CACNG2: variants seen among roughly 807,000 people sequenced by gnomAD.
The protein encoded by CACNG2 is calcium voltage-gated channel auxiliary subunit gamma 2, also known as voltage-dependent calcium channel gamma-2 subunit.
A neutral mutation model predicts 25.9 loss-of-function variants in CACNG2; 3 were observed. The observed-to-expected ratio is 0.12, with a 90% CI of 0.05 to 0.30. The LOEUF is 0.30. Ranked by LOEUF, CACNG2 falls within the 10% of genes least tolerant of loss-of-function variation. The pLI is 1.00. For missense variants in CACNG2, 341 were observed against 432.5 expected (o/e 0.79, Z 1.88); for synonymous variants, 167 against 173.3 (o/e 0.96, Z 0.29).
At chr22:36,648,400 C>T (rs770944686) in intron 1 of CACNG2, among the ~76,000 whole-genome samples, 5 of 152,340 alleles carry the variant, frequency 3.3e-5, no homozygotes, top group Admixed American at 1.3e-4. Context: ...CCTAGACACC[C>T]ATTGCTCTGG....
intron 1 of CACNG2, among the ~76,000 whole-genome samples, chr22:36,659,495 G>A (rs907765968): frequency 3.3e-5 from 5 of 152,110 alleles, no homozygotes. Context: ...CCTTGCCCAA[G>A]TTCATGAATC....
chr22:36,611,341 C>A (rs1346304434), intron 1 of CACNG2, among the ~76,000 whole-genome samples: 1 of 152,124 alleles, frequency 6.6e-6, no homozygotes, highest in South Asian at 2.1e-4. Context: ...AGCATGTGAC[C>A]ACAGAATGAT....
intron 1 of CACNG2, among the ~76,000 whole-genome samples, chr22:36,601,756 T>TACA (rs1476072128): frequency 1.3e-5 from 2 of 152,212 alleles, no homozygotes; most frequent in Non-Finnish European, 2.9e-5. Flanking sequence ...GGGCTGAGAT[T>TACA]ACAAGCGTGA....
At chr22:36,672,593 A>C (rs1366783569) in intron 1 of CACNG2, among the ~76,000 whole-genome samples, 2 of 151,856 alleles carry the variant, frequency 1.3e-5, no homozygotes, top group Admixed American at 1.3e-4. Context: ...GGATTCCCCC[A>C]GCTTCTCGGA....
intron 1 of CACNG2, among the ~76,000 whole-genome samples, chr22:36,637,665 A>G (rs1440281914): frequency 6.6e-6 from 1 of 152,146 alleles, no homozygotes; most frequent in Non-Finnish European, 1.5e-5. Context: ...CAAGGCTTCA[A>G]GAGGTCGGTG....
intron 1 of CACNG2, among the ~76,000 whole-genome samples, chr22:36,599,281 C>T (rs929793375): frequency 6.6e-6 from 1 of 151,994 alleles, no homozygotes; most frequent in African/African-American, 2.4e-5. Context: ...AATCAAGCTG[C>T]AGAAAAATGC....
chr22:36,701,144 G>A (rs994215344), intron 1 of CACNG2, among the ~76,000 whole-genome samples: 2 of 152,052 alleles, frequency 1.3e-5, no homozygotes, highest in African/African-American at 2.4e-5. Flanking sequence ...CTTGCTTCCC[G>A]ACGCTGCCTC....
intron 2 of CACNG2, among the ~76,000 whole-genome samples, chr22:36,571,350 G>A (rs1021561536): frequency 5.9e-5 from 9 of 152,098 alleles, no homozygotes; most frequent in Non-Finnish European, 1.3e-4. Context: ...TCAGCTACTT[G>A]GGAGGCTGAG....
chr22:36,611,560 T>C (rs1935940130), intron 1 of CACNG2, among the ~76,000 whole-genome samples: 1 of 152,136 alleles, frequency 6.6e-6, no homozygotes, highest in Non-Finnish European at 1.5e-5. Context: ...GGTACTGATA[T>C]AGCTACATCA....
At chr22:36,617,058 C>A (rs1010482234) in intron 1 of CACNG2, among the ~76,000 whole-genome samples, 1 of 151,944 alleles carries the variant, frequency 6.6e-6, no homozygotes, top group South Asian at 2.1e-4. Context: ...TGGGATGTAA[C>A]CTAGTTTGGG....
At chr22:36,621,843 C>A (rs2267355) in intron 1 of CACNG2, among the ~76,000 whole-genome samples, 1 of 152,100 alleles carries the variant, frequency 6.6e-6, no homozygotes, top group Non-Finnish European at 1.5e-5. Flanking sequence ...CTAACTAGAG[C>A]GGCATTAAAA....
chr22:36,646,759 A>G (rs1267195326), intron 1 of CACNG2, among the ~76,000 whole-genome samples: 4 of 150,780 alleles, frequency 2.7e-5, no homozygotes, highest in South Asian at 2.1e-4. Context: ...GCTCCCCACA[A>G]CCCCACCCTC....
intron 1 of CACNG2, among the ~76,000 whole-genome samples, chr22:36,642,041 A>T (rs1250461568): frequency 6.6e-6 from 1 of 152,168 alleles, no homozygotes; most frequent in Admixed American, 6.5e-5. Context: ...TGTTTATATG[A>T]TCCCTGCTGA....
chr22:36,575,196 G>A (rs2046369654), intron 2 of CACNG2, among the ~76,000 whole-genome samples: 1 of 152,234 alleles, frequency 6.6e-6, no homozygotes, highest in African/African-American at 2.4e-5. Context: ...AGAAAATGCA[G>A]GATGTCAGTG....
At chr22:36,569,024 C>G (rs971601424) in intron 2 of CACNG2, among the ~76,000 whole-genome samples, 1 of 152,008 alleles carries the variant, frequency 6.6e-6, no homozygotes, top group Middle Eastern at 3.2e-3. Context: ...CTAACCTGAT[C>G]CCCCAGCCCA....
At chr22:36,678,479 C>A (rs1937044846) in intron 1 of CACNG2, among the ~76,000 whole-genome samples, 1 of 152,114 alleles carries the variant, frequency 6.6e-6, no homozygotes, top group Non-Finnish European at 1.5e-5. Flanking sequence ...TACACACATT[C>A]ACATTTGACC....
chr22:36,618,131 C>T (rs546363528), intron 1 of CACNG2, among the ~76,000 whole-genome samples: 1 of 152,278 alleles, frequency 6.6e-6, no homozygotes, highest in East Asian at 1.9e-4. Flanking sequence ...ACTCTGGGTC[C>T]AGGACACTGC....
At chr22:36,607,759 A>G (rs1935866806) in intron 1 of CACNG2, among the ~76,000 whole-genome samples, 1 of 152,132 alleles carries the variant, frequency 6.6e-6, no homozygotes, top group Non-Finnish European at 1.5e-5. Flanking sequence ...CATTGCCTCC[A>G]TTGCCTGTCA....
At chr22:36,573,524 G>T (rs1248325337) in intron 2 of CACNG2, among the ~76,000 whole-genome samples, 1 of 152,130 alleles carries the variant, frequency 6.6e-6, no homozygotes, top group Non-Finnish European at 1.5e-5. Context: ...TAGAGACGGG[G>T]TTTCACCATG....
Sources: gnomAD v4.1 joint callset for allele counts (sites outside exome capture counted in the v4.1 genomes callset) on GRCh38, gnomAD v4.1.1 for gene constraint, MANE v1.5 for transcripts, NCBI Gene and HGNC (gene_info 2026-07-23, HGNC 2026-07-21) for gene names.